Variants in GATAD2B observed in about 807,000 individuals in gnomAD.
GATAD2B encodes GATA zinc finger domain containing 2B, also known as transcriptional repressor p66-beta.
Under a neutral mutation model 64.3 loss-of-function variants are expected in GATAD2B, and 8 were observed. The ratio of observed to expected loss-of-function variants is 0.12; its 90% CI spans 0.07 to 0.22. GATAD2B has a LOEUF of 0.22. GATAD2B is among the 10% of genes least tolerant of loss of function. GATAD2B has a pLI of 1.00. For missense variants in GATAD2B, 453 were observed against 752.0 expected, an observed-to-expected ratio of 0.60 and a Z score of 4.65; for synonymous variants, 281 against 271.3, an observed-to-expected ratio of 1.04 and a Z score of -0.35.
intron 7 of GATAD2B, among the ~76,000 whole-genome samples, chr1:153,815,293 C>CAAAAAAAAAAA (rs71093285): frequency 7.9e-4 from 88 of 111,810 alleles, no homozygotes; most frequent in Non-Finnish European, 1.3e-3. Flanking sequence ...AAAAAAAAAA[C>CAAAAAAAAAAA]AAAAAAAAAA....
chr1:153,922,471 G>A (rs1459135920), intron 1 of GATAD2B, among the ~76,000 whole-genome samples: 1 of 147,340 alleles, frequency 6.8e-6, no homozygotes. Context: ...AGACCGGGTC[G>A]CGCGCGCCAA....
chr1:153,876,238 A>AAAAAAAAAAC (rs1676828881), intron 1 of GATAD2B, among the ~76,000 whole-genome samples: 1 of 132,276 alleles, frequency 7.6e-6, no homozygotes, highest in Non-Finnish European at 1.6e-5. Flanking sequence ...AAAAAAAAAA[A>AAAAAAAAAAC]AAAAAAAAAA....
At chr1:153,849,526 TCAAAC>T (rs947899872) in intron 1 of GATAD2B, among the ~76,000 whole-genome samples, 1 of 152,242 alleles carries the variant, frequency 6.6e-6, no homozygotes, top group African/African-American at 2.4e-5. Flanking sequence ...ACACCACTAT[TCAAAC>T]CAAACACTTG....
At chr1:153,823,609 C>T (rs1674758957) in intron 2 of GATAD2B, among the ~76,000 whole-genome samples, 1 of 152,154 alleles carries the variant, frequency 6.6e-6, no homozygotes, top group Non-Finnish European at 1.5e-5. Context: ...TTTGGCCTCC[C>T]AAAGTGCTGG....
At position 153,828,171 on chromosome 1, in the gene GATAD2B, C is replaced by T. The variant is rs775171598; in HGVS notation, c.177G>A (p.Val59=). ...LKRKDLANLE[V]PHELPTKQDG... The stretch of plus-strand genomic sequence containing the variant: ...CCTGTTTGGTGGGTAACTCATGTGG[C>T]ACCTCAAGATTTGCCAAATCCTTCC... The change falls in exon 2 of 11, where the codon GTG becomes GTA. Residue 59 remains valine (V), a synonymous_variant. Transcript: ENST00000368655. 1.2e-6 allele frequency: 2 copies of T among 1,614,194 alleles called. No individual in the cohort carries two copies. Among genetic ancestry groups the T allele is most frequent in the Non-Finnish European group, 1.7e-6 (2 of 1,180,032 alleles).
chr1:153,873,605 G>A (rs1272485204), intron 1 of GATAD2B, among the ~76,000 whole-genome samples: 1 of 152,174 alleles, frequency 6.6e-6, no homozygotes, highest in Non-Finnish European at 1.5e-5. Context: ...CAGCAGATAT[G>A]GCCCCTTGAC....
At chr1:153,828,422 T>C in intron 1 of GATAD2B, 74 bp from the exon 2 acceptor site, 1 of 1,045,912 alleles carries the variant, frequency 9.6e-7, no homozygotes. Context: ...GGTGGAATGG[T>C]GAAGTTATTA....
At chr1:153,823,383 G>A (rs1033277773) in intron 2 of GATAD2B, among the ~76,000 whole-genome samples, 1 of 152,218 alleles carries the variant, frequency 6.6e-6, no homozygotes, top group Admixed American at 6.5e-5. Context: ...TAAAACATTA[G>A]TAGTGTTGGT....
chr1:153,856,842 T>G (rs1676097796), intron 1 of GATAD2B, among the ~76,000 whole-genome samples: 1 of 152,148 alleles, frequency 6.6e-6, no homozygotes, highest in South Asian at 2.1e-4. Flanking sequence ...ACATGGACAG[T>G]CCATGACATT....
At chr1:153,842,472 TCTC>T (rs1271870982) in intron 1 of GATAD2B, among the ~76,000 whole-genome samples, 1 of 152,190 alleles carries the variant, frequency 6.6e-6, no homozygotes, top group East Asian at 1.9e-4. Flanking sequence ...TCTCGCCCTC[TCTC>T]CTCCTTCAGA....
chr1:153,909,140 G>T (rs1282612862), intron 1 of GATAD2B, among the ~76,000 whole-genome samples: 1 of 152,110 alleles, frequency 6.6e-6, no homozygotes, highest in Non-Finnish European at 1.5e-5. Flanking sequence ...AGGAAGTGAG[G>T]GCTGTAGTGA....
At chr1:153,876,519 G>T (rs916516243) in intron 1 of GATAD2B, among the ~76,000 whole-genome samples, 1 of 152,122 alleles carries the variant, frequency 6.6e-6, no homozygotes, top group Admixed American at 6.6e-5. Flanking sequence ...ACCTTGCAGT[G>T]GGTAACATAC....
At chr1:153,914,167 C>T (rs367925738) in intron 1 of GATAD2B, among the ~76,000 whole-genome samples, 1 of 137,484 alleles carries the variant, frequency 7.3e-6, no homozygotes, top group Non-Finnish European at 1.5e-5. Flanking sequence ...CGTTTGAACC[C>T]GGGAGGCGGA....
chr1:153,879,573 C>A (rs918054710), intron 1 of GATAD2B, among the ~76,000 whole-genome samples: 2 of 151,696 alleles, frequency 1.3e-5, no homozygotes, highest in African/African-American at 4.8e-5. Context: ...ACCATCCTGG[C>A]CAACATGGTA....
In GATAD2B at chr1:153,818,190, A is replaced by G; in HGVS notation, c.598-19T>C. The G allele has an allele frequency of 6.4e-7, 1 of 1,574,422 alleles. No individual in the cohort carries two copies. The highest frequency in any genetic ancestry group is 8.6e-7 in the Non-Finnish European group (1 of 1,160,908). ...CTGGAGTCTGGGAGAGGGAAGAGAAAATAAGACTGTGGCCAATAATCACAG... is the reference window on the plus strand; with the variant it reads ...CTGGAGTCTGGGAGAGGGAAGAGAAGATAAGACTGTGGCCAATAATCACAG... On this transcript the variant is annotated intron_variant, in intron 4 of 10. Coordinates refer to ENST00000368655, the MANE Select transcript of GATAD2B (RefSeq NM_020699.4).
At chr1:153,904,749 C>A (rs1677875177) in intron 1 of GATAD2B, among the ~76,000 whole-genome samples, 1 of 151,976 alleles carries the variant, frequency 6.6e-6, no homozygotes, top group Non-Finnish European at 1.5e-5. Context: ...GCTCTGTCAC[C>A]CAGGCTGGAG....
intron 1 of GATAD2B, among the ~76,000 whole-genome samples, chr1:153,838,295 A>G (rs972890604): frequency 5.9e-5 from 9 of 152,238 alleles, no homozygotes; most frequent in African/African-American, 2.2e-4. Context: ...CATTAGGAGT[A>G]AAGATTTTTG....
At chr1:153,860,541 C>T (rs1438968250) in intron 1 of GATAD2B, among the ~76,000 whole-genome samples, 1 of 151,674 alleles carries the variant, frequency 6.6e-6, no homozygotes, top group Non-Finnish European at 1.5e-5. Context: ...TGCTATGTTG[C>T]CCAGGCTGGT....
intron 1 of GATAD2B, chr1:153,852,483 C>T (rs777713299): frequency 1.1e-5 from 8 of 759,622 alleles, no homozygotes; most frequent in East Asian, 2.5e-5. Context: ...AGCAAGAGTA[C>T]GTGACTCGAT....
Sources: gnomAD v4.1 joint callset for allele counts (sites outside exome capture counted in the v4.1 genomes callset) on GRCh38, gnomAD v4.1.1 for gene constraint, MANE v1.5 for transcripts, NCBI Gene and HGNC (gene_info 2026-07-23, HGNC 2026-07-21) for gene names.